CCDC3: variants seen among roughly 807,000 people sequenced by gnomAD.
The protein encoded by CCDC3 is coiled-coil domain containing 3, also known as coiled-coil domain-containing protein 3.
CCDC3 carries 24 observed loss-of-function variants against 21.4 expected under a neutral mutation model. That is an observed-to-expected ratio of 1.12 (90% CI 0.81 to 1.58). CCDC3 has a LOEUF of 1.58. Among genes scored for constraint, CCDC3 ranks in the 40% most tolerant of loss-of-function variants. CCDC3 has a pLI of 0.00. For missense variants in CCDC3, 425 were observed against 360.9 expected (o/e 1.18, Z -1.44); for synonymous variants, 186 against 166.0 (o/e 1.12, Z -0.93).
chr10:13,080,261 C>T (rs181158719), intron 3 of CCDC3, among the ~76,000 whole-genome samples: 1 of 152,172 alleles, frequency 6.6e-6, no homozygotes, highest in East Asian at 1.9e-4. Context: ...AAGTGACAGA[C>T]TGGAAGAGAC....
chr10:12,981,853 G>A (rs1044496658), intron 2 of CCDC3, among the ~76,000 whole-genome samples: 1 of 151,966 alleles, frequency 6.6e-6, no homozygotes, highest in Non-Finnish European at 1.5e-5. Context: ...GGCTGGGCAC[G>A]GTGGCTCACC....
At chr10:13,079,842 G>C (rs377207702) in intron 3 of CCDC3, among the ~76,000 whole-genome samples, 112 of 152,292 alleles carry the variant, frequency 7.4e-4, no homozygotes, top group Middle Eastern at 3.4e-3. Flanking sequence ...GCAGGGAAGA[G>C]CAGCAGAGAG....
chr10:13,080,193 A>AAGAG (rs150549896), intron 3 of CCDC3, among the ~76,000 whole-genome samples: 31 of 149,824 alleles, frequency 2.1e-4, no homozygotes, highest in African/African-American at 5.4e-4. Context: ...CGGGATGGCA[A>AAGAG]AGAGAGAGAG....
rs563479921 is a variant in CCDC3 at position 13,092,169 on chromosome 10, T to C, written c.-503+6356A>G. On this transcript the variant is annotated intron_variant, in intron 3 of 6. Transcript: ENST00000378839. ...AATCAACTAAAATATACTTTTGTGC[T>C]GAAGGTGAATTAAACAATTCGTGAG... is the stretch of plus-strand genomic sequence containing the variant. Among the ~76,000 whole-genome samples the C allele has an allele frequency of 3.9e-5, 6 of 152,302 alleles. No homozygotes were observed. In the South Asian group the frequency reaches 1.0e-3, roughly 26 times the overall value.
At chr10:13,057,714 C>A (rs1836699563) in intron 4 of CCDC3, among the ~76,000 whole-genome samples, 1 of 151,976 alleles carries the variant, frequency 6.6e-6, no homozygotes, top group Non-Finnish European at 1.5e-5. Flanking sequence ...CCCATCTCTA[C>A]TAAAAATACA....
intron 2 of CCDC3, among the ~76,000 whole-genome samples, chr10:12,924,374 G>A (rs1400162062): frequency 6.6e-6 from 1 of 152,220 alleles, no homozygotes; most frequent in Non-Finnish European, 1.5e-5. Context: ...TTAGGAAATT[G>A]TGTGCTTGTG....
At position 12,971,885 on chromosome 10, in the gene CCDC3, C is replaced by T. The variant is rs1385094060; in HGVS notation, c.549+26453G>A. On this transcript the variant is annotated intron_variant, in intron 2 of 2. Coordinates refer to ENST00000378825, the MANE Select transcript of CCDC3 (RefSeq NM_031455.4). ...TGTATTTTTAGTAGAGACAGGGTTT[C>T]ACTACGTTGGCCAGGCTGGTCTCAA... is the stretch of plus-strand genomic sequence containing the variant. Among the ~76,000 whole-genome samples the T allele has an allele frequency of 3.9e-5, 6 of 152,152 alleles. No homozygotes were observed. The East Asian group carries it at 9.7e-4, about 25-fold the overall frequency.
chr10:12,972,189 C>T (rs776679126), intron 2 of CCDC3, among the ~76,000 whole-genome samples: 4 of 152,190 alleles, frequency 2.6e-5, no homozygotes, highest in African/African-American at 2.4e-5. Flanking sequence ...TGCCCTTAAA[C>T]TCAACCCCAC....
At chr10:13,072,023 C>T (rs72779530) in intron 4 of CCDC3, among the ~76,000 whole-genome samples, 4,111 of 152,210 alleles carry the variant, frequency 0.027, 67 homozygotes, top group Non-Finnish European at 0.033. Context: ...AGTCCAAATG[C>T]TGGCAAAAGG....
chr10:12,916,426 CAAAAA>C (rs71386129), intron 2 of CCDC3, among the ~76,000 whole-genome samples: 1,772 of 105,260 alleles, frequency 0.017, 36 homozygotes, highest in African/African-American at 0.061. Flanking sequence ...GACTCCATCT[CAAAAA>C]AAAAAAAAAA....
At chr10:12,997,756 T>C (rs1835784560) in intron 2 of CCDC3, among the ~76,000 whole-genome samples, 1 of 152,212 alleles carries the variant, frequency 6.6e-6, no homozygotes, top group Non-Finnish European at 1.5e-5. Context: ...CTTTTAAGCA[T>C]TACGCTAACG....
intron 5 of CCDC3, among the ~76,000 whole-genome samples, chr10:13,011,314 G>C (rs1214299039): frequency 6.6e-6 from 1 of 152,050 alleles, no homozygotes; most frequent in Non-Finnish European, 1.5e-5. Flanking sequence ...AAAACTTCTT[G>C]AGCTGATAAG....
intron 2 of CCDC3, among the ~76,000 whole-genome samples, chr10:12,956,559 T>A (rs191134315): frequency 2.0e-5 from 3 of 152,318 alleles, no homozygotes; most frequent in South Asian, 4.1e-4. Flanking sequence ...CTAGACTATA[T>A]GATAATTAGG....
At chr10:12,930,407 C>T (rs1834620290) in intron 2 of CCDC3, among the ~76,000 whole-genome samples, 1 of 152,192 alleles carries the variant, frequency 6.6e-6, no homozygotes, top group African/African-American at 2.4e-5. Flanking sequence ...CAATGGAAAA[C>T]ATTCTTTTCC....
At chr10:13,003,399 T>C (rs1362313874), upstream of CCDC3, among the ~76,000 whole-genome samples, 1 of 152,214 alleles carries the variant, frequency 6.6e-6, no homozygotes, top group Non-Finnish European at 1.5e-5. Context: ...TTGACCAAGC[T>C]AGGATTCAGC....
intron 2 of CCDC3, among the ~76,000 whole-genome samples, chr10:12,927,298 A>G (rs575962090): frequency 1.2e-4 from 19 of 152,174 alleles, no homozygotes; most frequent in Non-Finnish European, 2.4e-4. Flanking sequence ...GTCAGATACC[A>G]CCTGTAAATA....
intron 2 of CCDC3, among the ~76,000 whole-genome samples, chr10:12,949,687 T>G (rs538268317): frequency 1.6e-4 from 24 of 152,328 alleles, no homozygotes; most frequent in African/African-American, 5.8e-4. Flanking sequence ...CCTAAATCAA[T>G]GTAAGTAATA....
At chr10:13,095,402 C>T (rs896623313) in intron 3 of CCDC3, among the ~76,000 whole-genome samples, 1 of 145,960 alleles carries the variant, frequency 6.9e-6, no homozygotes, top group Non-Finnish European at 1.5e-5. Flanking sequence ...GAACTGGTTT[C>T]ATGGAAGACA....
intron 4 of CCDC3, among the ~76,000 whole-genome samples, chr10:13,059,678 A>AGT (rs756715884): frequency 6.6e-6 from 1 of 152,158 alleles, no homozygotes; most frequent in Non-Finnish European, 1.5e-5. Context: ...CTTCATGGCT[A>AGT]TGTGCTCTAA....
Sources: allele counts gnomAD v4.1 joint callset (sites outside exome capture counted in the v4.1 genomes callset), GRCh38; gene constraint gnomAD v4.1.1; transcripts MANE v1.5; gene names NCBI Gene and HGNC (gene_info 2026-07-23, HGNC 2026-07-21).